Variants in TMEM163 observed in about 807,000 individuals in gnomAD.
TMEM163 encodes transmembrane protein 163.
In TMEM163, 17 loss-of-function variants were observed where a neutral mutation model predicts 29.3. The ratio of observed to expected loss-of-function variants is 0.58; its 90% CI spans 0.40 to 0.87. The LOEUF (loss-of-function observed/expected upper bound fraction) is 0.87, where lower values mean the gene tolerates loss of function less well. TMEM163 is among the 40% of genes least tolerant of loss of function. The pLI is 0.00. For synonymous variants in TMEM163, 157 were observed against 160.6 expected, an observed-to-expected ratio of 0.98 and a Z score of 0.17; for missense variants, 303 against 381.5, an observed-to-expected ratio of 0.79 and a Z score of 1.71.
chr2:134,485,364 A>G (rs546436058), intron 5 of TMEM163, among the ~76,000 whole-genome samples: 1 of 152,348 alleles, frequency 6.6e-6, no homozygotes, highest in East Asian at 1.9e-4. Context: ...TTTCTGCTGA[A>G]TGTATATCAC....
Position 134,478,971 on chromosome 2 carries a change from T to C in TMEM163, c.556-12746A>G, listed in dbSNP as rs1481286965. On this transcript the variant is annotated intron_variant, in intron 5 of 7. Transcript: ENST00000281924. ...ATCCTGGGGTGGAAGGGGTCAGTTC[T>C]GGGGATTAGTGCCCTTCCTCATAAG... is the stretch of plus-strand genomic sequence containing the variant. 2.0e-5 allele frequency among the ~76,000 whole-genome samples: 3 copies of C among 152,310 alleles called. No homozygotes were observed. The East Asian group carries it at 5.8e-4, about 29-fold the overall frequency.
At chr2:134,638,192 C>T (rs575996874) in intron 2 of TMEM163, among the ~76,000 whole-genome samples, 3 of 152,240 alleles carry the variant, frequency 2.0e-5, no homozygotes, top group South Asian at 2.1e-4. Context: ...TATTAATAGC[C>T]GCAGGATATT....
chr2:134,516,284 G>A (rs1680054488), intron 4 of TMEM163, among the ~76,000 whole-genome samples: 1 of 152,154 alleles, frequency 6.6e-6, no homozygotes, highest in Non-Finnish European at 1.5e-5. Flanking sequence ...GTTCAAGCCA[G>A]GCACAGTGGC....
chr2:134,674,437 G>A (rs1197927922), intron 2 of TMEM163, among the ~76,000 whole-genome samples: 1 of 139,132 alleles, frequency 7.2e-6, no homozygotes, highest in Non-Finnish European at 1.5e-5. Flanking sequence ...CCCGCCTCCC[G>A]GGTTCAAGAG....
chr2:134,504,735 A>T (rs1315305353), intron 4 of TMEM163, among the ~76,000 whole-genome samples: 1 of 152,216 alleles, frequency 6.6e-6, no homozygotes, highest in Non-Finnish European at 1.5e-5. Context: ...CAGGGGCAGA[A>T]GAGACAATTC....
At chr2:134,674,511 T>C (rs2104869598) in intron 2 of TMEM163, among the ~76,000 whole-genome samples, 1 of 29,488 alleles carries the variant, frequency 3.4e-5, no homozygotes. Context: ...GCGCGCGCGC[T>C]ACCATATCTG....
chr2:134,582,836 G>C (rs979749196), intron 2 of TMEM163, among the ~76,000 whole-genome samples: 1 of 152,042 alleles, frequency 6.6e-6, no homozygotes, highest in African/African-American at 2.4e-5. Flanking sequence ...ATCCTGAGAG[G>C]AGGAAAGGTA....
chr2:134,707,502 A>G (rs941530478), intron 2 of TMEM163, among the ~76,000 whole-genome samples: 1 of 152,184 alleles, frequency 6.6e-6, no homozygotes, highest in Non-Finnish European at 1.5e-5. Flanking sequence ...AAATAAATAC[A>G]CGACCAGCAA....
At chr2:134,659,696 T>A (rs1683705174) in intron 2 of TMEM163, among the ~76,000 whole-genome samples, 1 of 152,090 alleles carries the variant, frequency 6.6e-6, no homozygotes, top group Admixed American at 6.5e-5. Flanking sequence ...ATTTTAAAAG[T>A]CAACAAAGGG....
At chr2:134,496,877 CA>C (rs1490717551) in intron 5 of TMEM163, among the ~76,000 whole-genome samples, 12 of 152,146 alleles carry the variant, frequency 7.9e-5, no homozygotes, top group Admixed American at 7.2e-4. Flanking sequence ...TCCACGTAAA[CA>C]GGACACAAAA....
At chr2:134,697,099 C>G (rs1684599235) in intron 2 of TMEM163, among the ~76,000 whole-genome samples, 1 of 152,082 alleles carries the variant, frequency 6.6e-6, no homozygotes, top group Non-Finnish European at 1.5e-5. Context: ...CTATGTAGAG[C>G]TATGGAAAGC....
intron 5 of TMEM163, among the ~76,000 whole-genome samples, chr2:134,472,959 T>G (rs944869001): frequency 2.0e-5 from 3 of 152,010 alleles, no homozygotes; most frequent in Non-Finnish European, 4.4e-5. Flanking sequence ...AACTAAACAA[T>G]AAAACAACCC....
chr2:134,465,198 A>AAACAAAAAAC, intron 6 of TMEM163, among the ~76,000 whole-genome samples: 1 of 144,400 alleles, frequency 6.9e-6, no homozygotes, highest in East Asian at 2.2e-4. Flanking sequence ...TTAAAAAAAA[A>AAACAAAAAAC]AAAAACAAAA....
chr2:134,466,107 T>C lies in TMEM163; in HGVS notation c.667+7A>G. 5 of 1,608,262 alleles carry C rather than the reference T, an allele frequency of 3.1e-6. No individual in the cohort carries two copies. Among genetic ancestry groups the C allele is most frequent in the Non-Finnish European group, 8.5e-7 (1 of 1,176,572 alleles). On this transcript the variant is annotated splice_region_variant and intron_variant, in intron 6 of 7. Transcript: ENST00000281924. Reference sequence around the variant, plus strand: ...CCCCAGAGATTAGGCACCCTGGCCTTACTCACCATCTGTTATGAGTGCTCT... The same window carrying C: ...CCCCAGAGATTAGGCACCCTGGCCTCACTCACCATCTGTTATGAGTGCTCT...
intron 2 of TMEM163, among the ~76,000 whole-genome samples, chr2:134,576,004 A>G (rs1166371533): frequency 6.6e-6 from 1 of 152,150 alleles, no homozygotes. Context: ...AGTGAAAGAA[A>G]CAAATGACAC....
rs185314829 is a variant in TMEM163 at position 134,717,719 on chromosome 2, C to T, written c.202+1015G>A. Among the ~76,000 whole-genome samples the T allele has an allele frequency of 2.4e-4, 36 of 152,342 alleles. 1 individual carries two copies. Among genetic ancestry groups the T allele is most frequent in the East Asian group, 1.5e-3 (8 of 5,188 alleles). On this transcript the variant is annotated intron_variant, in intron 1 of 7. Coordinates refer to ENST00000281924, the MANE Select transcript of TMEM163 (RefSeq NM_030923.5). ...CCTGGCTGCAAGAATCCCTCTTTGG[C>T]CACTAAACGGTTTTAGCAGAACCAC...
At chr2:134,704,498 C>A (rs1684765134) in intron 2 of TMEM163, among the ~76,000 whole-genome samples, 1 of 152,204 alleles carries the variant, frequency 6.6e-6, no homozygotes, top group Admixed American at 6.5e-5. Context: ...TCTAAGGCAA[C>A]AACACTGCAG....
chr2:134,545,336 C>A (rs1432879376), intron 4 of TMEM163, among the ~76,000 whole-genome samples: 2 of 152,172 alleles, frequency 1.3e-5, no homozygotes, highest in Non-Finnish European at 2.9e-5. Context: ...AACTCTTTTT[C>A]TGACTCTTCC....
intron 2 of TMEM163, among the ~76,000 whole-genome samples, chr2:134,704,111 C>A (rs1445260521): frequency 2.0e-5 from 3 of 152,102 alleles, no homozygotes; most frequent in Admixed American, 2.0e-4. Flanking sequence ...CTCCATGGGA[C>A]ACCTACTGGG....
Sources: allele counts gnomAD v4.1 joint callset (sites outside exome capture counted in the v4.1 genomes callset), GRCh38; gene constraint gnomAD v4.1.1; transcripts MANE v1.5; gene names NCBI Gene and HGNC (gene_info 2026-07-23, HGNC 2026-07-21).